The following ZBTB20 variants were observed in gnomAD, a reference collection of about 807,000 sequenced individuals.
The protein encoded by ZBTB20 is zinc finger and BTB domain containing 20, also known as zinc finger and BTB domain-containing protein 20.
Under a neutral mutation model 56.9 loss-of-function variants are expected in ZBTB20, and 9 were observed. That is an observed-to-expected ratio of 0.16 (90% CI 0.10 to 0.28). ZBTB20 has a LOEUF of 0.28. ZBTB20 is among the 10% of genes least tolerant of loss of function. The pLI, the probability that ZBTB20 is intolerant of heterozygous loss-of-function variation, is 1.00. For missense variants in ZBTB20, 655 were observed against 1,003.0 expected (o/e 0.65, Z 4.69); for synonymous variants, 417 against 420.7 (o/e 0.99, Z 0.11).
At chr3:115,073,153 T>C (rs779377201) in intron 1 of ZBTB20, among the ~76,000 whole-genome samples, 12 of 152,212 alleles carry the variant, frequency 7.9e-5, no homozygotes, top group Non-Finnish European at 1.6e-4. Flanking sequence ...GATGCTGTCA[T>C]TGATTCAAAC....
chr3:114,749,152 G>A (rs2067351908), intron 5 of ZBTB20, among the ~76,000 whole-genome samples: 1 of 152,138 alleles, frequency 6.6e-6, no homozygotes, highest in Non-Finnish European at 1.5e-5. Context: ...AAAGGATGTT[G>A]CCTATACTTA....
chr3:114,390,037 A>G (rs1384437564), intron 7 of ZBTB20, among the ~76,000 whole-genome samples: 1 of 152,088 alleles, frequency 6.6e-6, no homozygotes, highest in East Asian at 1.9e-4. Flanking sequence ...CTCTGGAGTT[A>G]TTCCTCCTGT....
chr3:114,556,829 T>C (rs1407456259), intron 6 of ZBTB20, among the ~76,000 whole-genome samples: 2 of 152,086 alleles, frequency 1.3e-5, no homozygotes, highest in Non-Finnish European at 2.9e-5. Context: ...AATGAGATAA[T>C]GAAATAAGAA....
chr3:114,986,370 C>T (rs1363194669), intron 2 of ZBTB20, among the ~76,000 whole-genome samples: 5 of 152,230 alleles, frequency 3.3e-5, no homozygotes, highest in South Asian at 2.1e-4. Context: ...AACAAACACT[C>T]GGTTGAAGTT....
intron 6 of ZBTB20, among the ~76,000 whole-genome samples, chr3:114,681,768 T>A (rs180690867): frequency 3.7e-4 from 56 of 152,316 alleles, no homozygotes; most frequent in Admixed American, 2.4e-3. Flanking sequence ...ATTGCCACTT[T>A]GTAACAGAGA....
At chr3:114,983,733 C>A (rs572255997) in intron 2 of ZBTB20, among the ~76,000 whole-genome samples, 1 of 152,068 alleles carries the variant, frequency 6.6e-6, no homozygotes, top group South Asian at 2.1e-4. Flanking sequence ...AGCCAAAATA[C>A]AGCCAACAGA....
rs1005247056 is a variant in ZBTB20 at position 114,943,717 on chromosome 3, T to C, written c.-456+30649A>G. Among the ~76,000 whole-genome samples, 15 of 145,008 alleles carry C rather than the reference T, an allele frequency of 1.0e-4. 1 individual carries two copies. Among genetic ancestry groups the C allele is most frequent in the Admixed American group, 2.0e-4 (3 of 15,040 alleles). On this transcript the variant is annotated intron_variant, in intron 3 of 11. Coordinates refer to ENST00000675478, the MANE Select transcript of ZBTB20 (RefSeq NM_001348800.3). ...AATAAAAGAAGAAGCATTAGAGATA[T>C]ATAGAACATGGTTAAAAAATGTTTT...
intron 6 of ZBTB20, among the ~76,000 whole-genome samples, chr3:114,622,594 T>C (rs912183941): frequency 2.6e-5 from 4 of 152,190 alleles, no homozygotes; most frequent in African/African-American, 4.8e-5. Flanking sequence ...TCAGTCTCTA[T>C]AGGAAACTTG....
At chr3:115,043,577 G>GAAATAAAATA (rs143409903) in intron 2 of ZBTB20, among the ~76,000 whole-genome samples, 1,765 of 135,564 alleles carry the variant, frequency 0.013, 25 homozygotes, top group African/African-American at 0.029. Flanking sequence ...GTCTCAAAAA[G>GAAATAAAATA]AAATAAAATA....
At chr3:114,840,224 A>C (rs1195699000) in intron 4 of ZBTB20, among the ~76,000 whole-genome samples, 1 of 151,916 alleles carries the variant, frequency 6.6e-6, no homozygotes, top group Non-Finnish European at 1.5e-5. Context: ...TCGCTGTGTG[A>C]TATGTTATTT....
intron 2 of ZBTB20, among the ~76,000 whole-genome samples, chr3:115,055,834 T>C (rs933194475): frequency 2.0e-5 from 3 of 152,094 alleles, no homozygotes; most frequent in Non-Finnish European, 4.4e-5. Context: ...TAAATACAGA[T>C]AATTGAAATT....
intron 2 of ZBTB20, among the ~76,000 whole-genome samples, chr3:114,998,360 T>A (rs1257271926): frequency 6.6e-6 from 1 of 151,734 alleles, no homozygotes; most frequent in Non-Finnish European, 1.5e-5. Context: ...CACAAAAGAA[T>A]TTGTGACCTC....
intron 6 of ZBTB20, among the ~76,000 whole-genome samples, chr3:114,671,024 G>A (rs1326589063): frequency 6.6e-6 from 1 of 152,110 alleles, no homozygotes; most frequent in African/African-American, 2.4e-5. Flanking sequence ...TGCTCTAATG[G>A]TATTTGTTGA....
intron 1 of ZBTB20, among the ~76,000 whole-genome samples, chr3:115,087,540 G>T (rs1441683223): frequency 6.6e-6 from 1 of 151,846 alleles, no homozygotes; most frequent in Non-Finnish European, 1.5e-5. Context: ...AAGAAGGAAA[G>T]AAAACGTGAG....
intron 1 of ZBTB20, among the ~76,000 whole-genome samples, chr3:115,142,921 G>A (rs1006222999): frequency 5.3e-5 from 8 of 152,238 alleles, no homozygotes; most frequent in African/African-American, 1.7e-4. Context: ...GGGAGGGCTG[G>A]AGGAGGGAGG....
At chr3:114,463,954 A>G (rs762795657) in intron 7 of ZBTB20, among the ~76,000 whole-genome samples, 11 of 152,220 alleles carry the variant, frequency 7.2e-5, no homozygotes, top group Non-Finnish European at 1.5e-4. Context: ...CATTAATATA[A>G]TTGTGCGAAG....
At chr3:114,427,844 A>G (rs2108865939) in intron 7 of ZBTB20, among the ~76,000 whole-genome samples, 1 of 152,354 alleles carries the variant, frequency 6.6e-6, no homozygotes, top group Admixed American at 6.5e-5. Flanking sequence ...GTAGAGGCAG[A>G]GCACTCGTTT....
At chr3:114,761,833 CAAAAAAAAAGAAA>C (rs1191333220) in intron 5 of ZBTB20, among the ~76,000 whole-genome samples, 4 of 124,088 alleles carry the variant, frequency 3.2e-5, no homozygotes, top group East Asian at 4.5e-4. Context: ...GACTCCATCT[CAAAAAAAAAGAAA>C]AAAAAAAAAG....
intron 4 of ZBTB20, among the ~76,000 whole-genome samples, chr3:114,859,361 TCTC>T (rs1034760781): frequency 7.4e-5 from 11 of 148,014 alleles, no homozygotes; most frequent in Non-Finnish European, 1.2e-4. Flanking sequence ...CTCCCTCTCT[TCTC>T]CTTCCTTTCT....
Sources: gnomAD v4.1 joint callset for allele counts (sites outside exome capture counted in the v4.1 genomes callset) on GRCh38, gnomAD v4.1.1 for gene constraint, MANE v1.5 for transcripts, NCBI Gene and HGNC (gene_info 2026-07-23, HGNC 2026-07-21) for gene names.